The following ANKLE2 variants were observed in gnomAD, a reference collection of about 807,000 sequenced individuals.
ANKLE2 encodes the protein ankyrin repeat and LEM domain containing 2.
ANKLE2 carries 55 observed loss-of-function variants against 84.2 expected under a neutral mutation model. The ratio of observed to expected loss-of-function variants is 0.65; its 90% CI spans 0.53 to 0.82. The LOEUF (loss-of-function observed/expected upper bound fraction) is 0.82, where lower values mean the gene tolerates loss of function less well. ANKLE2 is among the 40% of genes least tolerant of loss of function. The pLI is 0.00. For missense variants in ANKLE2, 1,238 were observed against 1,201.9 expected (o/e 1.03, Z -0.44); for synonymous variants, 551 against 486.1 (o/e 1.13, Z -1.76).
intron 7 of ANKLE2, among the ~76,000 whole-genome samples, chr12:132,741,121 C>T (rs533704527): frequency 5.0e-4 from 76 of 152,254 alleles, no homozygotes; most frequent in Non-Finnish European, 8.4e-4. Context: ...CGAGAGAGAC[C>T]GATGGATCCA....
At position 132,728,151 on chromosome 12, in the gene ANKLE2, T is replaced by C; in HGVS notation, c.2496A>G (p.Ser832=). The C allele has an allele frequency of 6.2e-7, 1 of 1,612,674 alleles. No individual in the cohort carries two copies. Among genetic ancestry groups the C allele is most frequent in the Non-Finnish European group, 8.5e-7 (1 of 1,179,864 alleles). ...RRLFLFGEEP[S]KLDQDVLAAL... ...CGGCCAAAACATCCTGATCGAGTTT[T>C]GATGGCTCCTCTCTAGAAAGCACAA... Residue 832 remains serine, a synonymous_variant, in exon 12 of 13, where the codon TCA becomes TCG. Coordinates refer to ENST00000357997, the MANE Select transcript of ANKLE2 (RefSeq NM_015114.3).
chr12:132,730,085 C>T lies in ANKLE2; in HGVS notation c.2077G>A (p.Gly693Ser), dbSNP rs763836655. ...ADLIEAAEPG[G>S]PHSSRNGLCH... ...AGCCCATTTCTGCTGCTGTGTGGAC[C>T]TCCCGGCTCGGCGGCTTCTATGAGG... is the stretch of plus-strand genomic sequence containing the variant. The change falls in exon 11 of 13, where the codon GGT (glycine) becomes AGT (serine). Residue 693 changes from glycine to serine, a missense_variant. Gly to Ser is a moderately conservative substitution (Grantham distance 56, BLOSUM62 0). Around this residue, in one of 3 missense-constraint regions of ANKLE2, gnomAD observed 802 missense variants for 774.5 expected, o/e 1.04. Coordinates refer to ENST00000357997, the MANE Select transcript of ANKLE2 (RefSeq NM_015114.3). 104 of 1,612,438 alleles carry T rather than the reference C, an allele frequency of 6.4e-5. No individual in the cohort carries two copies. The highest frequency in any genetic ancestry group is 8.5e-5 in the Non-Finnish European group (100 of 1,179,626).
chr12:132,741,998 A>G (rs1275050227), intron 6 of ANKLE2: 2 of 355,880 alleles, frequency 5.6e-6, no homozygotes, highest in Non-Finnish European at 1.1e-5. Context: ...AACTATAGAA[A>G]AACCAACAAC....
Position 132,726,536 on chromosome 12 carries a change from C to T in ANKLE2, c.*706G>A, listed in dbSNP as rs1303047104. On this transcript the variant is annotated 3_prime_UTR_variant, in exon 13 of 13. Transcript: ENST00000357997. ...GGAAACAGGGAACACCTTGGCGCCG[C>T]TGCTGAGCTCTGTGTTGCTCCTGGT... 1 of 152,232 alleles carries T rather than the reference C, an allele frequency of 6.6e-6. No homozygotes were observed. The highest frequency in any genetic ancestry group is 1.5e-5 in the Non-Finnish European group (1 of 68,082). The allele number at this position is 152,232 out of a possible 1,614,324, so 9.4% of individuals were successfully genotyped here.
At chr12:132,749,586 G>A (rs1182334686) in intron 3 of ANKLE2, among the ~76,000 whole-genome samples, 2 of 152,240 alleles carry the variant, frequency 1.3e-5, no homozygotes, top group African/African-American at 2.4e-5. Flanking sequence ...GAGGGCAGGC[G>A]GATGACTGGA....
At chr12:132,731,180 A>G (rs1185704896) in intron 10 of ANKLE2, 1 of 152,252 alleles carries the variant, frequency 6.6e-6, no homozygotes, top group East Asian at 1.9e-4. Context: ...TACTTAGGAA[A>G]TGCCTCAACT....
chr12:132,729,137 G>C (rs1006024705), intron 11 of ANKLE2, among the ~76,000 whole-genome samples: 6 of 151,496 alleles, frequency 4.0e-5, no homozygotes, highest in Admixed American at 2.6e-4. Context: ...TGGATCACGA[G>C]GTCAGGAGTT....
intron 2 of ANKLE2, among the ~76,000 whole-genome samples, chr12:132,752,155 A>G (rs959810093): frequency 5.9e-5 from 9 of 151,980 alleles, no homozygotes; most frequent in African/African-American, 2.2e-4. Context: ...AGCCTGACCA[A>G]CGTGGAGAAA....
chr12:132,756,009 C>T (rs913599367), intron 1 of ANKLE2: 1 of 151,300 alleles, frequency 6.6e-6, no homozygotes, highest in African/African-American at 2.4e-5. Context: ...CCACGCCCAG[C>T]TAATTTTGTA....
Position 132,741,498 on chromosome 12 carries a change from AAAGT to A in ANKLE2, c.1354-17_1354-14del. ...TTTCACAAATTACCTATTGGAAAAA[AAAGT>A]GTGTCTAAATCTTATTTGATCGCAA... On this transcript the variant is annotated splice_polypyrimidine_tract_variant and intron_variant, in intron 6 of 12. Coordinates refer to ENST00000357997, the MANE Select transcript of ANKLE2 (RefSeq NM_015114.3). 1 of 1,612,726 alleles carries A rather than the reference AAAGT, an allele frequency of 6.2e-7. No individual in the cohort carries two copies. Among genetic ancestry groups the A allele is most frequent in the African/African-American group, 1.3e-5 (1 of 75,044 alleles).
rs1162466993 is a variant in ANKLE2, at chr12:132,754,669, C to G, written c.640+6G>C. ...TGTGAGGAAATCCTACACACGGTCC[C>G]ATTACCATTTCTCGCTGGGACGTCC... On this transcript the variant is annotated splice_donor_region_variant and intron_variant, in intron 2 of 12. Coordinates refer to ENST00000357997, the MANE Select transcript of ANKLE2 (RefSeq NM_015114.3). The G allele has an allele frequency of 6.3e-7, 1 of 1,596,700 alleles. No homozygotes were observed. Among genetic ancestry groups the G allele is most frequent in the Admixed American group, 1.7e-5 (1 of 58,074 alleles).
intron 2 of ANKLE2, 48 bp downstream of exon 2, chr12:132,754,627 C>T (rs371026270): frequency 2.6e-5 from 39 of 1,511,492 alleles, no homozygotes; most frequent in Non-Finnish European, 2.9e-5. Flanking sequence ...CCCGCCCCTC[C>T]GCGTATGTGC....
At chr12:132,755,206 G>C (rs1401236799) in intron 1 of ANKLE2, 73 bp from the exon 2 acceptor site, 1 of 1,337,762 alleles carries the variant, frequency 7.5e-7, no homozygotes, top group South Asian at 1.4e-5. Context: ...TGGGTACTAG[G>C]GTTCATTATA....
At chr12:132,754,636 GCTAT>G (rs1566036619) in intron 2 of ANKLE2, 35 bp downstream of exon 2, 3 of 1,548,540 alleles carry the variant, frequency 1.9e-6, no homozygotes, top group South Asian at 1.2e-5. Context: ...CCGCGTATGT[GCTAT>G]CTGTGTGAGG....
At position 132,735,302 on chromosome 12, in the gene ANKLE2, C is replaced by A. The variant is rs10781636; in HGVS notation, c.1700+104G>T. The A allele has an allele frequency of 0.056, 59,435 of 1,065,142 alleles. 2,911 individuals carry two copies. Among genetic ancestry groups the A allele is most frequent in the African/African-American group, 0.18 (11,363 of 63,548 alleles). The allele number at this position is 1,065,142 out of a possible 1,614,324, so 66.0% of individuals were successfully genotyped here. On this transcript the variant is annotated intron_variant, in intron 9 of 12. Transcript: ENST00000357997. ...AAAAGGACCAAGTCTCCCAGAAAAG[C>A]CTTCTGGAAATTGGTACTTTGAAGC...
At chr12:132,727,905 C>T (rs11147023) in intron 12 of ANKLE2, 127 bp downstream of exon 12, 19 of 1,336,162 alleles carry the variant, frequency 1.4e-5, no homozygotes, top group East Asian at 7.1e-5. Context: ...CCCAAATCCA[C>T]AGCCTGGCTG....
intron 1 of ANKLE2, chr12:132,757,822 CA>C (rs59631920): frequency 3.5e-4 from 49 of 141,464 alleles, no homozygotes; most frequent in Middle Eastern, 3.7e-3. Flanking sequence ...GACTCCGTCT[CA>C]AAAAAAAAAA....
chr12:132,751,497 T>C (rs573557325), intron 2 of ANKLE2, among the ~76,000 whole-genome samples: 1 of 152,146 alleles, frequency 6.6e-6, no homozygotes, highest in Admixed American at 6.5e-5. Context: ...CGCCTCGGCC[T>C]CCCAGAGTGC....
At position 132,743,155 on chromosome 12, in the gene ANKLE2, T is replaced by C. The variant is rs1467475591; in HGVS notation, c.1352A>G (p.Asp451Gly). The C allele has an allele frequency of 6.2e-7, 1 of 1,603,506 alleles. No individual in the cohort carries two copies. The highest frequency in any genetic ancestry group is 8.5e-7 in the Non-Finnish European group (1 of 1,173,710). The stretch of plus-strand genomic sequence containing the variant: ...AACTGCATTGTAATAAGTACTTACA[T>C]CTTCAGGTGTTTTATCATATTTATT... ...SRNKYDKTPEDVICERSKNKS... is the reference protein window; with the variant it reads ...SRNKYDKTPEGVICERSKNKS... The change falls in exon 6 of 13, where the codon GAT becomes GGT. Residue 451 changes from aspartate (D) to glycine (G), a missense_variant and splice_region_variant. Physicochemically the swap from Asp to Gly is moderately conservative, Grantham distance 94. Transcript: ENST00000357997. The surrounding 1 kb of genome is among the most constrained non-coding windows in gnomAD (Gnocchi z 4.1).
Sources: allele counts gnomAD v4.1 joint callset (sites outside exome capture counted in the v4.1 genomes callset), GRCh38; gene constraint gnomAD v4.1.1; regional missense constraint gnomAD v4.1.1; non-coding constraint Gnocchi (gnomAD v3.1); transcripts MANE v1.5; gene names NCBI Gene and HGNC (gene_info 2026-07-23, HGNC 2026-07-21).